PCDH9: variants seen among roughly 807,000 people sequenced by gnomAD.
PCDH9 encodes the protein protocadherin-9.
A neutral mutation model predicts 70.6 loss-of-function variants in PCDH9; 24 were observed. The ratio of observed to expected loss-of-function variants is 0.34; its 90% CI spans 0.25 to 0.48. The LOEUF (loss-of-function observed/expected upper bound fraction) is 0.48. Ranked by LOEUF, PCDH9 falls within the 20% of genes least tolerant of loss-of-function variation. The pLI is 0.99. For synonymous variants in PCDH9, 562 were observed against 558.5 expected (o/e 1.01, Z -0.09); for missense variants, 1,281 against 1,503.6 (o/e 0.85, Z 2.45).
intron 2 of PCDH9, among the ~76,000 whole-genome samples, chr13:67,120,097 T>C (rs537099472): frequency 6.6e-6 from 1 of 151,870 alleles, no homozygotes; most frequent in East Asian, 1.9e-4. Flanking sequence ...AGTTGAAGAC[T>C]TTCTACTGTT....
chr13:66,633,882 A>C (rs974986550), intron 3 of PCDH9, among the ~76,000 whole-genome samples: 4 of 152,212 alleles, frequency 2.6e-5, no homozygotes, highest in African/African-American at 7.2e-5. Context: ...ACGACTAGTT[A>C]TACCTTAATC....
intron 2 of PCDH9, among the ~76,000 whole-genome samples, chr13:67,114,220 A>AT (rs2086715594): frequency 6.6e-6 from 1 of 152,124 alleles, no homozygotes; most frequent in Admixed American, 6.5e-5. Flanking sequence ...CTTTTAAGAC[A>AT]TTTTTTCTTA....
chr13:66,376,900 C>T (rs973207573), intron 4 of PCDH9, among the ~76,000 whole-genome samples: 1 of 151,978 alleles, frequency 6.6e-6, no homozygotes, highest in East Asian at 1.9e-4. Context: ...CTGCTTTATT[C>T]AAAAATGAAA....
intron 4 of PCDH9, among the ~76,000 whole-genome samples, chr13:66,305,833 T>G (rs567835271): frequency 6.6e-6 from 1 of 152,080 alleles, no homozygotes; most frequent in East Asian, 1.9e-4. Flanking sequence ...AAGAAAGTGA[T>G]CATAGAATTT....
intron 4 of PCDH9, among the ~76,000 whole-genome samples, chr13:66,480,278 A>G (rs1003499539): frequency 7.9e-5 from 12 of 152,224 alleles, no homozygotes; most frequent in Admixed American, 7.2e-4. Context: ...CTGCAGTCTC[A>G]TGATAAAAAC....
chr13:66,988,260 T>C (rs1186400367), intron 2 of PCDH9, among the ~76,000 whole-genome samples: 1 of 152,040 alleles, frequency 6.6e-6, no homozygotes, highest in African/African-American at 2.4e-5. Context: ...TTGTTCAGGA[T>C]TGCAATATGA....
chr13:66,958,630 T>C (rs2083298420), intron 2 of PCDH9, among the ~76,000 whole-genome samples: 1 of 152,216 alleles, frequency 6.6e-6, no homozygotes, highest in African/African-American at 2.4e-5. Context: ...GAAGTACAAC[T>C]AGGACAGTCT....
intron 3 of PCDH9, among the ~76,000 whole-genome samples, chr13:66,796,368 G>T (rs776011157): frequency 6.6e-6 from 1 of 152,110 alleles, no homozygotes; most frequent in Non-Finnish European, 1.5e-5. Context: ...ATGTCAAGGG[G>T]ATATTCTCAT....
intron 2 of PCDH9, among the ~76,000 whole-genome samples, chr13:67,103,375 C>T (rs2086470947): frequency 6.6e-6 from 1 of 152,168 alleles, no homozygotes; most frequent in South Asian, 2.1e-4. Context: ...GCTTTAAAAT[C>T]TTCCTGCTTT....
intron 4 of PCDH9, among the ~76,000 whole-genome samples, chr13:66,576,353 T>A (rs968891998): frequency 6.6e-6 from 1 of 152,078 alleles, no homozygotes; most frequent in African/African-American, 2.4e-5. Flanking sequence ...CATATATATT[T>A]TTTATAATGT....
At chr13:66,982,036 G>C (rs1348048197) in intron 2 of PCDH9, among the ~76,000 whole-genome samples, 1 of 152,136 alleles carries the variant, frequency 6.6e-6, no homozygotes, top group African/African-American at 2.4e-5. Flanking sequence ...CATGGGGGCG[G>C]ATCCCTCATG....
chr13:66,516,090 C>T (rs986937616), intron 4 of PCDH9, among the ~76,000 whole-genome samples: 9 of 152,080 alleles, frequency 5.9e-5, no homozygotes, highest in African/African-American at 2.2e-4. Flanking sequence ...ATTGTCCCAT[C>T]TAACTTTTTT....
At chr13:67,185,050 T>C (rs948812558) in intron 2 of PCDH9, among the ~76,000 whole-genome samples, 28 of 152,206 alleles carry the variant, frequency 1.8e-4, no homozygotes, top group African/African-American at 6.3e-4. Flanking sequence ...TACCTAGCAA[T>C]GCCCTGGAGA....
chr13:66,906,316 A>T (rs1444710017), intron 2 of PCDH9, among the ~76,000 whole-genome samples: 2 of 152,216 alleles, frequency 1.3e-5, no homozygotes, highest in African/African-American at 4.8e-5. Context: ...AGCCATGAGT[A>T]ATTTGATAAT....
chr13:67,067,702 G>A (rs971267750), intron 2 of PCDH9, among the ~76,000 whole-genome samples: 6 of 149,108 alleles, frequency 4.0e-5, no homozygotes, highest in South Asian at 2.1e-4. Context: ...TGACAGCGGC[G>A]AAGTGGTCTT....
chr13:66,828,006 T>A (rs1272146822), intron 3 of PCDH9, among the ~76,000 whole-genome samples: 1 of 152,200 alleles, frequency 6.6e-6, no homozygotes, highest in Non-Finnish European at 1.5e-5. Context: ...ATAGATCGCA[T>A]CTTCTCTCTG....
intron 3 of PCDH9, among the ~76,000 whole-genome samples, chr13:66,718,404 A>G (rs1038769898): frequency 2.6e-5 from 4 of 152,014 alleles, no homozygotes; most frequent in Non-Finnish European, 5.9e-5. Context: ...ATAGAATACT[A>G]TTTTGTTGAG....
At chr13:66,934,479 T>G (rs1268732696) in intron 2 of PCDH9, among the ~76,000 whole-genome samples, 2 of 146,236 alleles carry the variant, frequency 1.4e-5, no homozygotes, top group African/African-American at 5.0e-5. Flanking sequence ...AGCCGGAGGT[T>G]GCAGTGAGCC....
chr13:66,716,577 T>C (rs901199458), intron 3 of PCDH9, among the ~76,000 whole-genome samples: 1 of 152,128 alleles, frequency 6.6e-6, no homozygotes, highest in Non-Finnish European at 1.5e-5. Flanking sequence ...TGGATTCATC[T>C]CACATTATAG....
Sources: gnomAD v4.1 joint callset for allele counts (sites outside exome capture counted in the v4.1 genomes callset) on GRCh38, gnomAD v4.1.1 for gene constraint, MANE v1.5 for transcripts, NCBI Gene and HGNC (gene_info 2026-07-23, HGNC 2026-07-21) for gene names.